Variants in EFCAB13 observed in about 807,000 individuals in gnomAD.
EFCAB13 encodes the protein EF-hand calcium binding domain 13.
In EFCAB13, 91 loss-of-function variants were observed where a neutral mutation model predicts 110.2. The ratio of observed to expected loss-of-function variants is 0.83; its 90% confidence interval spans 0.70 to 0.98. The LOEUF (loss-of-function observed/expected upper bound fraction) is 0.98. Ranked by LOEUF, EFCAB13 falls within the 50% of genes least tolerant of loss-of-function variation. The pLI, the probability that EFCAB13 is intolerant of heterozygous loss-of-function variation, is 0.00. For missense variants in EFCAB13, 968 were observed against 1,119.4 expected, an observed-to-expected ratio of 0.86 and a Z score of 1.93; for synonymous variants, 323 against 369.9, an observed-to-expected ratio of 0.87 and a Z score of 1.45.
intron 11 of EFCAB13, among the ~76,000 whole-genome samples, chr17:47,373,381 A>G (rs1268459589): frequency 6.6e-6 from 1 of 151,946 alleles, no homozygotes; most frequent in African/African-American, 2.4e-5. Context: ...TATTCCCTGA[A>G]CTTTCTCTAG....
Position 47,438,225 on chromosome 17 carries a change from G to A in EFCAB13, c.2639-2206G>A, listed in dbSNP as rs1009376617. On this transcript the variant is annotated intron_variant, in intron 24 of 24. Coordinates refer to ENST00000331493, the MANE Select transcript of EFCAB13 (RefSeq NM_152347.5). Reference sequence around the variant, plus strand: ...CACAGCTCTTACGAGTCTTTCCTTCGTCTTAACTTTGGATAACCTGATGAC... The same window carrying A: ...CACAGCTCTTACGAGTCTTTCCTTCATCTTAACTTTGGATAACCTGATGAC... 5.9e-5 allele frequency among the ~76,000 whole-genome samples: 9 copies of A among 152,218 alleles called. 1 individual carries two copies. The highest frequency in any genetic ancestry group is 6.8e-3 in the Middle Eastern group (2 of 294).
intron 10 of EFCAB13, among the ~76,000 whole-genome samples, chr17:47,367,063 T>C (rs1055787496): frequency 4.6e-5 from 7 of 152,164 alleles, no homozygotes; most frequent in Admixed American, 2.0e-4. Context: ...ACATGGGACA[T>C]GGAATCAATC....
chr17:47,380,395 G>A (rs1429341718), intron 14 of EFCAB13, among the ~76,000 whole-genome samples: 1 of 152,148 alleles, frequency 6.6e-6, no homozygotes, highest in African/African-American at 2.4e-5. Context: ...CCATGTCCCT[G>A]CAAAGGACAG....
intron 20 of EFCAB13, among the ~76,000 whole-genome samples, chr17:47,405,709 G>GGT (rs1289590372): frequency 2.0e-5 from 3 of 150,692 alleles, no homozygotes; most frequent in Non-Finnish European, 4.4e-5. Context: ...TATATATATA[G>GGT]GTATATATAT....
intron 15 of EFCAB13, 26 bp from the exon 16 acceptor site, chr17:47,393,997 CAA>C (rs556053121): frequency 7.3e-7 from 1 of 1,378,730 alleles, no homozygotes; most frequent in South Asian, 1.4e-5. Flanking sequence ...TAAAAGATGC[CAA>C]AAAAATGTGT....
rs772111582 is a variant in EFCAB13 at position 47,374,916 on chromosome 17, G to C, written c.1322G>C (p.Ser441Thr). ...LQKPAVRKHS[S>T]LQKQVSSTEK... ...AAGCCAGCTGTAAGAAAGCATTCCA[G>C]TCTCCAAAAACAGGTTTCGTCTACG... is the stretch of plus-strand genomic sequence containing the variant. Residue 441 changes from serine to threonine, a missense_variant, in exon 12 of 25, where the codon AGT (serine) becomes ACT (threonine). Ser to Thr is a moderately conservative substitution (Grantham distance 58). Coordinates refer to ENST00000331493, the MANE Select transcript of EFCAB13 (RefSeq NM_152347.5). The C allele has an allele frequency of 3.1e-6, 5 of 1,599,988 alleles. No individual in the cohort carries two copies. In the Admixed American group the frequency reaches 8.9e-5, roughly 29 times the overall value.
intron 14 of EFCAB13, among the ~76,000 whole-genome samples, chr17:47,384,251 C>T (rs2065663923): frequency 6.6e-6 from 1 of 151,156 alleles, no homozygotes; most frequent in South Asian, 2.1e-4. Context: ...GATGGGTCTC[C>T]TGAATACATT....
chr17:47,411,460 A>C (rs1252946975), intron 21 of EFCAB13, among the ~76,000 whole-genome samples: 1 of 152,174 alleles, frequency 6.6e-6, no homozygotes, highest in Non-Finnish European at 1.5e-5. Flanking sequence ...GAACCTTCTC[A>C]GTGCTTCCAT....
intron 23 of EFCAB13, among the ~76,000 whole-genome samples, chr17:47,415,376 T>C (rs532719427): frequency 4.3e-4 from 65 of 152,148 alleles, no homozygotes; most frequent in African/African-American, 1.5e-3. Flanking sequence ...ACCCTAAAAC[T>C]TAAAGTATAA....
intron 23 of EFCAB13, among the ~76,000 whole-genome samples, chr17:47,415,533 G>A (rs1288915014): frequency 6.6e-6 from 1 of 152,032 alleles, no homozygotes; most frequent in Non-Finnish European, 1.5e-5. Flanking sequence ...GATATAATGA[G>A]GGGGAAAACA....
chr17:47,350,997 A>G (rs979158061), intron 9 of EFCAB13, among the ~76,000 whole-genome samples: 2 of 152,136 alleles, frequency 1.3e-5, no homozygotes, highest in African/African-American at 2.4e-5. Context: ...TCTGGCTTTT[A>G]GTGTAACCAT....
chr17:47,352,282 A>G (rs767532569), intron 9 of EFCAB13, among the ~76,000 whole-genome samples: 5 of 152,080 alleles, frequency 3.3e-5, no homozygotes, highest in Non-Finnish European at 7.4e-5. Flanking sequence ...GGTGGGAGAT[A>G]GGGGTCCAGT....
intron 14 of EFCAB13, among the ~76,000 whole-genome samples, chr17:47,381,023 C>T (rs1235561379): frequency 6.6e-6 from 1 of 151,802 alleles, no homozygotes; most frequent in Non-Finnish European, 1.5e-5. Flanking sequence ...GCTGGGACTA[C>T]AGGTACGTAC....
chr17:47,342,596 A>T (rs1188334783), intron 6 of EFCAB13, among the ~76,000 whole-genome samples: 1 of 152,194 alleles, frequency 6.6e-6, no homozygotes, highest in Non-Finnish European at 1.5e-5. Context: ...ACTTAGAGGT[A>T]TATATCCTTT....
intron 11 of EFCAB13, among the ~76,000 whole-genome samples, chr17:47,372,374 G>T (rs1280436735): frequency 2.6e-5 from 4 of 151,884 alleles, no homozygotes; most frequent in Non-Finnish European, 4.4e-5. Context: ...CTCTCCTTCT[G>T]CATTTATAAT....
chr17:47,432,323 G>A (rs1449030068), intron 24 of EFCAB13, among the ~76,000 whole-genome samples: 5 of 151,968 alleles, frequency 3.3e-5, no homozygotes, highest in South Asian at 4.1e-4. Context: ...GTGTGAACCC[G>A]GGAGGTGGAG....
intron 14 of EFCAB13, among the ~76,000 whole-genome samples, chr17:47,381,169 G>A (rs991041428): frequency 2.0e-5 from 3 of 151,986 alleles, no homozygotes; most frequent in South Asian, 2.1e-4. Flanking sequence ...TTTGAGAAGC[G>A]TCTGTTCATA....
At chr17:47,402,086 C>G in intron 17 of EFCAB13, 46 bp from the exon 18 acceptor site, 1 of 1,529,652 alleles carries the variant, frequency 6.5e-7, no homozygotes, top group African/African-American at 1.4e-5. Context: ...TTGGATCTGA[C>G]TTTTGCGTAA....
chr17:47,349,223 A>G (rs1405282972), intron 9 of EFCAB13, among the ~76,000 whole-genome samples: 1 of 152,192 alleles, frequency 6.6e-6, no homozygotes, highest in Non-Finnish European at 1.5e-5. Flanking sequence ...GTATTCCTCT[A>G]TAGGCTATTT....
Sources: allele counts gnomAD v4.1 joint callset (sites outside exome capture counted in the v4.1 genomes callset), GRCh38; gene constraint gnomAD v4.1.1; transcripts MANE v1.5; gene names NCBI Gene and HGNC (gene_info 2026-07-23, HGNC 2026-07-21).